GTF2E2: variants seen among roughly 807,000 people sequenced by gnomAD.
GTF2E2 encodes the protein general transcription factor IIE subunit 2, also known as transcription initiation factor IIE subunit beta.
Under a neutral mutation model 40.5 loss-of-function variants are expected in GTF2E2, and 21 were observed. The ratio of observed to expected loss-of-function variants is 0.52; its 90% CI spans 0.37 to 0.75. The LOEUF is 0.75. Among genes scored for constraint, GTF2E2 ranks in the 30% least tolerant of loss-of-function variants. The probability of loss-of-function intolerance (pLI) is 0.00; values close to 1 mark genes in which losing one functional copy is unlikely to be tolerated. For synonymous variants in GTF2E2, 117 were observed against 121.6 expected, an observed-to-expected ratio of 0.96 and a Z score of 0.25; for missense variants, 298 against 338.4, an observed-to-expected ratio of 0.88 and a Z score of 0.94.
chr8:30,609,401 G>A (rs1010976142), intron 5 of GTF2E2, among the ~76,000 whole-genome samples: 2 of 151,784 alleles, frequency 1.3e-5, no homozygotes, highest in Non-Finnish European at 2.9e-5. Flanking sequence ...CCCAAAATCT[G>A]AAACAGTTCT....
At chr8:30,591,302 A>G (rs1828843573) in intron 6 of GTF2E2, among the ~76,000 whole-genome samples, 1 of 152,138 alleles carries the variant, frequency 6.6e-6, no homozygotes, top group African/African-American at 2.4e-5. Flanking sequence ...CCTGGGCAAC[A>G]GAGTAAGACC....
At chr8:30,645,702 A>C in intron 2 of GTF2E2, 23 of 1,169,928 alleles carry the variant, frequency 2.0e-5, no homozygotes, top group Non-Finnish European at 2.7e-5. Context: ...TTCTGACTGA[A>C]TGGTTAAAAC....
At chr8:30,583,047 T>C (rs6993952) in intron 6 of GTF2E2, among the ~76,000 whole-genome samples, 70,042 of 152,052 alleles carry the variant, frequency 0.46, 16,087 homozygotes, top group Middle Eastern at 0.55. Context: ...AATTCTACTA[T>C]AATAGGCTGG....
At chr8:30,601,773 G>C (rs542361411) in intron 6 of GTF2E2, among the ~76,000 whole-genome samples, 1 of 152,118 alleles carries the variant, frequency 6.6e-6, no homozygotes, top group Non-Finnish European at 1.5e-5. Flanking sequence ...ACAGAATATA[G>C]CATTATTAAC....
chr8:30,612,306 G>T lies in GTF2E2; in HGVS notation c.542C>A (p.Ala181Asp). ...AAAGAAAAGAGAGATTACCTTGACA[G>T]CTTTCTGGGAATTGGGCAGTGCTTC... is the stretch of plus-strand genomic sequence containing the variant. ...IEEALPNSQK[A>D]VKALGDQILF... is the part of the protein sequence containing the mutation. Residue 181 changes from alanine (A) to aspartate (D), a missense_variant, in exon 5 of 8, where the codon GCT becomes GAT. Ala to Asp is a moderately radical substitution (Grantham distance 126, BLOSUM62 -2). Coordinates refer to ENST00000355904, the MANE Select transcript of GTF2E2 (RefSeq NM_002095.6). The T allele has an allele frequency of 6.3e-7, 1 of 1,594,852 alleles. No individual in the cohort carries two copies.
chr8:30,629,065 A>C (rs1801364797), intron 3 of GTF2E2, among the ~76,000 whole-genome samples: 1 of 151,998 alleles, frequency 6.6e-6, no homozygotes, highest in African/African-American at 2.4e-5. Flanking sequence ...CCTAAACTTT[A>C]CTCCATCACA....
chr8:30,606,979 T>C (rs938002758), intron 6 of GTF2E2, 78 bp downstream of exon 6: 1 of 534,318 alleles, frequency 1.9e-6, no homozygotes, highest in Non-Finnish European at 3.3e-6. Context: ...TAAATTATAA[T>C]TGTATTATAA....
intron 1 of GTF2E2, among the ~76,000 whole-genome samples, 196 bp from the exon 2 acceptor site, chr8:30,653,798 T>C (rs1802364447): frequency 6.6e-6 from 1 of 152,118 alleles, no homozygotes; most frequent in Non-Finnish European, 1.5e-5. Flanking sequence ...AGCACTGTAC[T>C]AGCCATTATA....
intron 6 of GTF2E2, among the ~76,000 whole-genome samples, chr8:30,587,983 G>C (rs76192128): frequency 3.5e-4 from 53 of 151,850 alleles, no homozygotes; most frequent in Middle Eastern, 3.4e-3. Flanking sequence ...AACTGGGGCA[G>C]AGACTTAAAG....
rs1801395002 is a variant in GTF2E2, at chr8:30,629,966, C to A, written c.258+5066G>T. On this transcript the variant is annotated intron_variant, in intron 3 of 7. Transcript: ENST00000355904. Reference sequence around the variant, plus strand: ...AAAATAAAGTACACACTTAATTTGTCATCTGAGAATTAAAGTGCTGTCTCA... The same window carrying A: ...AAAATAAAGTACACACTTAATTTGTAATCTGAGAATTAAAGTGCTGTCTCA... Among the ~76,000 whole-genome samples, 4 of 152,130 alleles carry A rather than the reference C, an allele frequency of 2.6e-5. 1 individual carries two copies. Among genetic ancestry groups the A allele is most frequent in the South Asian group, 4.1e-4 (2 of 4,826 alleles).
chr8:30,605,930 G>A (rs1829305278), intron 6 of GTF2E2, among the ~76,000 whole-genome samples: 1 of 152,158 alleles, frequency 6.6e-6, no homozygotes, highest in Admixed American at 6.5e-5. Context: ...GAAAGTGCTA[G>A]GATTAGAGGC....
chr8:30,623,241 G>A (rs1487998239), intron 3 of GTF2E2, among the ~76,000 whole-genome samples: 7 of 151,984 alleles, frequency 4.6e-5, no homozygotes, highest in African/African-American at 1.2e-4. Flanking sequence ...CTGACTTCCC[G>A]CAACACAAGT....
chr8:30,611,104 T>C (rs1232970763), intron 5 of GTF2E2, among the ~76,000 whole-genome samples: 1 of 152,162 alleles, frequency 6.6e-6, no homozygotes, highest in Non-Finnish European at 1.5e-5. Context: ...GATTCCAAGA[T>C]TCCAAGCAAA....
rs1002170207 is a variant in GTF2E2, at chr8:30,645,659, A to G, written c.166+7774T>C. The G allele has an allele frequency of 5.6e-6, 8 of 1,436,236 alleles. No individual in the cohort carries two copies. In the African/African-American group the frequency reaches 8.6e-5, roughly 15 times the overall value. The allele number at this position is 1,436,236 out of a possible 1,614,324, so 89.0% of individuals were successfully genotyped here. ...CTCAACCTCTTCTGAGAAAAAAAAT[A>G]TATTCTGAGGCCAACTGTTGCTACA... On this transcript the variant is annotated intron_variant, in intron 2 of 7. Coordinates refer to ENST00000355904, the MANE Select transcript of GTF2E2 (RefSeq NM_002095.6).
chr8:30,594,065 G>A (rs1828924529), intron 6 of GTF2E2, among the ~76,000 whole-genome samples: 1 of 151,830 alleles, frequency 6.6e-6, no homozygotes, highest in African/African-American at 2.4e-5. Context: ...CAAGTAGCTG[G>A]GATTACAGGC....
chr8:30,614,479 C>A, intron 4 of GTF2E2, 129 bp downstream of exon 4: 1 of 557,134 alleles, frequency 1.8e-6, no homozygotes, highest in Non-Finnish European at 3.2e-6. Context: ...ACTCGGGAGG[C>A]TGAGTCAGCA....
chr8:30,619,150 C>A (rs1346480591), intron 3 of GTF2E2, among the ~76,000 whole-genome samples: 1 of 152,060 alleles, frequency 6.6e-6, no homozygotes, highest in Non-Finnish European at 1.5e-5. Flanking sequence ...CCATGTTGTC[C>A]AGGATGGTCT....
intron 6 of GTF2E2, among the ~76,000 whole-genome samples, chr8:30,599,910 G>C (rs1386183097): frequency 3.3e-5 from 5 of 152,130 alleles, no homozygotes; most frequent in African/African-American, 1.2e-4. Context: ...TTGAACCCAG[G>C]GGGCAGAGGT....
intron 3 of GTF2E2, among the ~76,000 whole-genome samples, chr8:30,626,470 C>G (rs999004640): frequency 6.6e-6 from 1 of 152,074 alleles, no homozygotes; most frequent in Admixed American, 6.6e-5. Flanking sequence ...GATGACAGAG[C>G]GAGACTCTGT....
Sources: gnomAD v4.1 joint callset for allele counts (sites outside exome capture counted in the v4.1 genomes callset) on GRCh38, gnomAD v4.1.1 for gene constraint, MANE v1.5 for transcripts, NCBI Gene and HGNC (gene_info 2026-07-23, HGNC 2026-07-21) for gene names.